Variants in LETM1 observed in about 807,000 individuals in gnomAD.
The protein encoded by LETM1 is mitochondrial proton/calcium exchanger protein.
A neutral mutation model predicts 74.5 loss-of-function variants in LETM1; 50 were observed. That is an observed-to-expected ratio of 0.67 (90% CI 0.53 to 0.85). The LOEUF is 0.85. LETM1 is among the 40% of genes least tolerant of loss of function. The pLI is 0.00. For synonymous variants in LETM1, 446 were observed against 407.1 expected, an observed-to-expected ratio of 1.10 and a Z score of -1.15; for missense variants, 824 against 967.8, an observed-to-expected ratio of 0.85 and a Z score of 1.97.
chr4:1,828,017 C>T (rs1268207061), intron 6 of LETM1, among the ~76,000 whole-genome samples: 2 of 144,672 alleles, frequency 1.4e-5, no homozygotes, highest in African/African-American at 2.7e-5. Context: ...CCCCCCAACC[C>T]GGACGGGGCG....
In LETM1 at chr4:1,814,198, CCA is replaced by C. The variant is rs1722544666; in HGVS notation, c.*224_*225del. On this transcript the variant is annotated 3_prime_UTR_variant, in exon 14 of 14. Transcript: ENST00000302787. The stretch of plus-strand genomic sequence containing the variant: ...GAGCCAGGAGGCCGTGGCAGCCACA[CCA>C]CAGTGTGGATCCAGACACGATTCTG... 3 of 727,680 alleles carry C rather than the reference CCA, an allele frequency of 4.1e-6. No individual in the cohort carries two copies. Among genetic ancestry groups the C allele is most frequent in the South Asian group, 1.8e-5 (1 of 55,118 alleles). The allele number at this position is 727,680 out of a possible 1,614,324, so 45.1% of individuals were successfully genotyped here.
At chr4:1,841,238 G>A (rs779846900) in intron 3 of LETM1, 109 bp downstream of exon 3, 33 of 958,736 alleles carry the variant, frequency 3.4e-5, no homozygotes, top group African/African-American at 9.9e-5. Context: ...CCAGATACTC[G>A]GGAGGCTGAG....
chr4:1,847,981 C>T (rs559190836), intron 2 of LETM1, among the ~76,000 whole-genome samples: 5 of 149,292 alleles, frequency 3.3e-5, no homozygotes, highest in Admixed American at 1.3e-4. Context: ...GGTGACAGCG[C>T]GAGACTCTGT....
rs1329664438 is a variant in LETM1 at position 1,840,539 on chromosome 4, T to C, written c.594+808A>G. On this transcript the variant is annotated intron_variant, in intron 3 of 13. Coordinates refer to ENST00000302787, the MANE Select transcript of LETM1 (RefSeq NM_012318.3). ...AAAATTAGCCGGGCGTGGTGGCGGGTGCCTGTAGTGCCAGCTACTCGGGAG... is the reference window on the plus strand; with the variant it reads ...AAAATTAGCCGGGCGTGGTGGCGGGCGCCTGTAGTGCCAGCTACTCGGGAG... Among the ~76,000 whole-genome samples the C allele has an allele frequency of 5.3e-5, 8 of 151,280 alleles. No individual in the cohort carries two copies. The East Asian group carries it at 9.7e-4, about 18-fold the overall frequency.
At chr4:1,830,000 G>A (rs1712210964) in intron 6 of LETM1, among the ~76,000 whole-genome samples, 1 of 152,198 alleles carries the variant, frequency 6.6e-6, no homozygotes, top group Non-Finnish European at 1.5e-5. Context: ...GGTTCACTCA[G>A]CTTCTGAAAT....
At chr4:1,847,175 T>C (rs574224094) in intron 2 of LETM1, among the ~76,000 whole-genome samples, 17 of 151,506 alleles carry the variant, frequency 1.1e-4, no homozygotes, top group African/African-American at 3.6e-4. Context: ...CTACAAAAAA[T>C]ACCAAAAAGA....
intron 6 of LETM1, among the ~76,000 whole-genome samples, chr4:1,826,906 C>T (rs535246204): frequency 5.3e-5 from 8 of 152,200 alleles, no homozygotes; most frequent in Non-Finnish European, 1.2e-4. Context: ...GCAGTGGAGT[C>T]GGCGCTCCAC....
intron 7 of LETM1, among the ~76,000 whole-genome samples, chr4:1,824,133 G>C (rs1170466437): frequency 6.6e-6 from 1 of 152,160 alleles, no homozygotes; most frequent in African/African-American, 2.4e-5. Flanking sequence ...GACCAGCCTG[G>C]CCAACATGGC....
chr4:1,851,097 T>A (rs953322752), intron 1 of LETM1, among the ~76,000 whole-genome samples: 1 of 152,174 alleles, frequency 6.6e-6, no homozygotes, highest in Non-Finnish European at 1.5e-5. Context: ...AAGTCAGAGT[T>A]CATTCGTATT....
chr4:1,836,433 A>C lies in LETM1; in HGVS notation c.734T>G (p.Leu245Arg), dbSNP rs370421675. Reference protein sequence around the residue: ...MLPSTFETQSLKEERLKKELR... With the variant: ...MLPSTFETQSRKEERLKKELR... Reference sequence around the variant, plus strand: ...CAGTTGGGATGCTGCCCTTACCTTGAGTGACTGAGTCTCAAATGTGGATGG... The same window carrying C: ...CAGTTGGGATGCTGCCCTTACCTTGCGTGACTGAGTCTCAAATGTGGATGG... Residue 245 changes from leucine to arginine, a missense_variant, in exon 4 of 14, where the codon CTC (leucine) becomes CGC (arginine). This residue lies in a region of LETM1 where 269 missense variants were observed against 348.8 expected (regional missense o/e 0.77). Transcript: ENST00000302787. The surrounding 1 kb of genome is among the most constrained non-coding windows in gnomAD (Gnocchi z 5.8). 11 of 1,613,800 alleles carry C rather than the reference A, an allele frequency of 6.8e-6. No homozygotes were observed. The highest frequency in any genetic ancestry group is 9.3e-6 in the Non-Finnish European group (11 of 1,179,898).
intron 1 of LETM1, among the ~76,000 whole-genome samples, chr4:1,855,620 C>T (rs187504858): frequency 2.6e-5 from 4 of 152,384 alleles, no homozygotes; most frequent in Middle Eastern, 3.4e-3. Flanking sequence ...CCCACTGTCT[C>T]TGAGGCAGTG....
At chr4:1,851,820 A>T (rs1713080345) in intron 1 of LETM1, among the ~76,000 whole-genome samples, 1 of 152,194 alleles carries the variant, frequency 6.6e-6, no homozygotes, top group Non-Finnish European at 1.5e-5. Context: ...CAGGTCTCCC[A>T]GAGTTCCCTG....
At chr4:1,845,203 A>G (rs779397916) in intron 2 of LETM1, among the ~76,000 whole-genome samples, 20 of 152,264 alleles carry the variant, frequency 1.3e-4, no homozygotes, top group Non-Finnish European at 2.2e-4. Flanking sequence ...CACCCCCCGA[A>G]AAAAATGATC....
In LETM1 at chr4:1,823,097, T is replaced by G. The variant is rs748786380; in HGVS notation, c.1367A>C (p.Glu456Ala). Reference sequence around the variant, plus strand: ...GGCCTTGTTGTCCACCTGCTCGCCCTCCACCTCGGCCACTTTCACCTGTGC... The same window carrying G: ...GGCCTTGTTGTCCACCTGCTCGCCCGCCACCTCGGCCACTTTCACCTGTGC... Reference protein sequence around the residue: ...KEAQVKVAEVEGEQVDNKAKL... With the variant: ...KEAQVKVAEVAGEQVDNKAKL... Residue 456 changes from glutamate to alanine, a missense_variant, in exon 9 of 14, where the codon GAG (glutamate) becomes GCG (alanine). This residue lies in a region of LETM1 where 172 missense variants were observed against 170.7 expected (regional missense o/e 1.01). Transcript: ENST00000302787. 1 of 1,607,246 alleles carries G rather than the reference T, an allele frequency of 6.2e-7. No individual in the cohort carries two copies. The highest frequency in any genetic ancestry group is 1.3e-5 in the African/African-American group (1 of 74,582).
At position 1,836,653 on chromosome 4, in the gene LETM1, T is replaced by C; in HGVS notation, c.595-81A>G. ...AGGGGTGTGAGCATTTCTCCTATAA[T>C]GGTTTATAGGCACAACCTCAGGCAG... is the stretch of plus-strand genomic sequence containing the variant. On this transcript the variant is annotated intron_variant, in intron 3 of 13. Coordinates refer to ENST00000302787, the MANE Select transcript of LETM1 (RefSeq NM_012318.3). This position sits in a 1 kb window ranked among gnomAD's most constrained non-coding sequence, Gnocchi z 5.8. 1 of 1,471,150 alleles carries C rather than the reference T, an allele frequency of 6.8e-7. No individual in the cohort carries two copies. 91.1% of individuals were successfully genotyped at this position (1,471,150 alleles called of 1,614,324 possible).
At chr4:1,824,836 G>T (rs1181077012) in intron 7 of LETM1, among the ~76,000 whole-genome samples, 1 of 152,270 alleles carries the variant, frequency 6.6e-6, no homozygotes. Context: ...CTCTGCTGGG[G>T]AATCCGATGG....
intron 2 of LETM1, chr4:1,843,017 T>C (rs1298920413): frequency 7.8e-6 from 3 of 382,978 alleles, no homozygotes; most frequent in East Asian, 1.9e-4. Flanking sequence ...TAAAAGGCCA[T>C]GTGTGTCGCA....
At chr4:1,844,439 G>A (rs1015767012) in intron 2 of LETM1, among the ~76,000 whole-genome samples, 25 of 152,072 alleles carry the variant, frequency 1.6e-4, no homozygotes, top group African/African-American at 4.6e-4. Context: ...CTCTTGGATC[G>A]AAAATACTCC....
chr4:1,839,373 G>A (rs1472104281), intron 3 of LETM1: 1 of 152,324 alleles, frequency 6.6e-6, no homozygotes, highest in Admixed American at 6.5e-5. Context: ...CTGCAGCAGA[G>A]GTGCACCTGT....
Sources: allele counts gnomAD v4.1 joint callset (sites outside exome capture counted in the v4.1 genomes callset), GRCh38; gene constraint gnomAD v4.1.1; regional missense constraint gnomAD v4.1.1; non-coding constraint Gnocchi (gnomAD v3.1); transcripts MANE v1.5; gene names NCBI Gene and HGNC (gene_info 2026-07-23, HGNC 2026-07-21).